The following PRKN variants were observed in gnomAD, a reference collection of about 807,000 sequenced individuals.
The protein encoded by PRKN is parkin RBR E3 ubiquitin protein ligase.
Under a neutral mutation model 59.5 loss-of-function variants are expected in PRKN, and 56 were observed. That is an observed-to-expected ratio of 0.94 (90% confidence interval 0.76 to 1.18). The LOEUF (loss-of-function observed/expected upper bound fraction) is 1.18, where lower values mean the gene tolerates loss of function less well. Ranked by LOEUF, PRKN falls within the 50% of genes most tolerant of loss-of-function variation. PRKN has a pLI of 0.00. For synonymous variants in PRKN, 250 were observed against 222.1 expected, an observed-to-expected ratio of 1.13 and a Z score of -1.12; for missense variants, 657 against 596.4, an observed-to-expected ratio of 1.10 and a Z score of -1.06.
chr6:161,574,382 C>A (rs1781053718), intron 7 of PRKN, among the ~76,000 whole-genome samples: 1 of 152,120 alleles, frequency 6.6e-6, no homozygotes, highest in South Asian at 2.1e-4. Context: ...GCAATAGAGA[C>A]CATGTCCGAT....
intron 7 of PRKN, among the ~76,000 whole-genome samples, chr6:161,729,292 A>G (rs1234372312): frequency 1.3e-5 from 2 of 152,238 alleles, no homozygotes; most frequent in South Asian, 2.1e-4. Context: ...AGCTTTACAT[A>G]AAACCCAAGG....
chr6:162,468,104 C>G (rs902235273), intron 1 of PRKN, among the ~76,000 whole-genome samples: 3 of 152,182 alleles, frequency 2.0e-5, no homozygotes, highest in Admixed American at 6.5e-5. Context: ...TAAATGTAAG[C>G]CCCGACAGGA....
At chr6:162,580,440 GAAAA>G (rs56059992) in intron 1 of PRKN, among the ~76,000 whole-genome samples, 5 of 120,564 alleles carry the variant, frequency 4.1e-5, no homozygotes, top group South Asian at 2.5e-4. Flanking sequence ...CCCTGTCTCA[GAAAA>G]AAAAAAAAAA....
chr6:161,671,323 A>T (rs1784901550), intron 7 of PRKN, among the ~76,000 whole-genome samples: 1 of 152,160 alleles, frequency 6.6e-6, no homozygotes, highest in Non-Finnish European at 1.5e-5. Context: ...ACCTCATGTC[A>T]TGGTAACAGA....
intron 1 of PRKN, among the ~76,000 whole-genome samples, chr6:162,523,277 A>G (rs981122267): frequency 6.6e-6 from 1 of 152,204 alleles, no homozygotes; most frequent in Non-Finnish European, 1.5e-5. Flanking sequence ...AGATGAGTTC[A>G]TGGCTTGTTG....
intron 2 of PRKN, among the ~76,000 whole-genome samples, chr6:162,288,567 A>G (rs576640262): frequency 1.1e-4 from 16 of 152,258 alleles, no homozygotes; most frequent in African/African-American, 3.6e-4. Context: ...CGTTCCTGCT[A>G]GGCTTGAAGA....
At position 161,445,023 on chromosome 6, in the gene PRKN, A is replaced by T. The variant is rs1789420266; in HGVS notation, c.1084-58146T>A. Among the ~76,000 whole-genome samples, 1 of 141,806 alleles carries T rather than the reference A, an allele frequency of 7.1e-6. No individual in the cohort carries two copies. The highest frequency in any genetic ancestry group is 1.5e-5 in the Non-Finnish European group (1 of 67,934). The allele number at this position is 141,806 out of a possible 152,430, so 93.0% of individuals were successfully genotyped here. A position where few individuals can be genotyped will look rare whatever the true frequency, so the allele number is the denominator to read the frequency against. ...TTGTTTTTTTAATCTCTAGGTAACCAACCCCTGCCTACATTTTACTCTGGA... is the reference window on the plus strand; with the variant it reads ...TTGTTTTTTTAATCTCTAGGTAACCTACCCCTGCCTACATTTTACTCTGGA... On this transcript the variant is annotated intron_variant, in intron 9 of 11. Transcript: ENST00000366898. This position sits in a 1 kb window ranked among gnomAD's most constrained non-coding sequence, Gnocchi z 7.7.
At chr6:162,666,807 T>C (rs1779122086) in intron 1 of PRKN, among the ~76,000 whole-genome samples, 1 of 152,058 alleles carries the variant, frequency 6.6e-6, no homozygotes, top group South Asian at 2.1e-4. Flanking sequence ...CCTTGGTATC[T>C]ATAACCTGCA....
At chr6:162,072,089 T>C (rs992473393) in intron 4 of PRKN, among the ~76,000 whole-genome samples, 1 of 152,102 alleles carries the variant, frequency 6.6e-6, no homozygotes, top group African/African-American at 2.4e-5. Flanking sequence ...ATTGTGGGGA[T>C]GGAATACTGA....
At chr6:162,282,938 C>T (rs1780980990) in intron 2 of PRKN, among the ~76,000 whole-genome samples, 1 of 151,518 alleles carries the variant, frequency 6.6e-6, no homozygotes, top group Admixed American at 6.6e-5. Flanking sequence ...AAATTATTTG[C>T]AAGTAAAATA....
chr6:162,299,590 A>G (rs575048741), intron 2 of PRKN, among the ~76,000 whole-genome samples: 77 of 152,054 alleles, frequency 5.1e-4, no homozygotes, highest in African/African-American at 1.8e-3. Context: ...AATTATGCAA[A>G]TATATATAAA....
chr6:162,686,597 T>A (rs2803084), intron 1 of PRKN, among the ~76,000 whole-genome samples: 121,820 of 152,130 alleles, frequency 0.8, 48,991 homozygotes, highest in East Asian at 0.97. Flanking sequence ...AATAAACAAA[T>A]ATTGGCCATG....
rs1349924728 is a variant in PRKN, at chr6:161,385,782, C to T, written c.1167+1012G>A. 1.3e-5 allele frequency among the ~76,000 whole-genome samples: 2 copies of T among 152,112 alleles called. No individual in the cohort carries two copies. Among genetic ancestry groups the T allele is most frequent in the East Asian group, 3.9e-4 (2 of 5,188 alleles). Reference sequence around the variant, plus strand: ...CCTGGTAAGCTCGCGTTTGAATGTCCCTGAGCTAAAATAAAATTAACAGAA... The same window carrying T: ...CCTGGTAAGCTCGCGTTTGAATGTCTCTGAGCTAAAATAAAATTAACAGAA... On this transcript the variant is annotated intron_variant, in intron 10 of 11. Transcript: ENST00000366898. The surrounding 1 kb of genome is among the most constrained non-coding windows in gnomAD (Gnocchi z 4.9).
intron 10 of PRKN, among the ~76,000 whole-genome samples, chr6:161,374,399 T>C (rs924371571): frequency 8.7e-5 from 13 of 149,892 alleles, no homozygotes; most frequent in African/African-American, 3.2e-4. Flanking sequence ...GGATGTGGTG[T>C]GTATGTTTAT....
intron 2 of PRKN, among the ~76,000 whole-genome samples, chr6:162,421,696 C>T (rs995522429): frequency 3.3e-5 from 5 of 152,060 alleles, no homozygotes; most frequent in Admixed American, 1.3e-4. Context: ...CAACGCATTA[C>T]AGGAAAACAG....
chr6:162,484,609 G>A (rs939467922), intron 1 of PRKN, among the ~76,000 whole-genome samples: 2 of 152,200 alleles, frequency 1.3e-5, no homozygotes, highest in Non-Finnish European at 2.9e-5. Context: ...ATGTTTGTTA[G>A]CCTTCCGAAT....
At chr6:161,960,620 T>C (rs947602927) in intron 6 of PRKN, among the ~76,000 whole-genome samples, 1 of 152,194 alleles carries the variant, frequency 6.6e-6, no homozygotes, top group Non-Finnish European at 1.5e-5. Flanking sequence ...TTGAAAGAGA[T>C]GGGTTTTAAG....
At chr6:162,638,431 G>A (rs961915768) in intron 1 of PRKN, among the ~76,000 whole-genome samples, 13 of 152,068 alleles carry the variant, frequency 8.5e-5, no homozygotes, top group Non-Finnish European at 7.3e-5. Context: ...CTACAATTAC[G>A]AGACAAGAAC....
chr6:162,203,122 G>C (rs1784798420), intron 3 of PRKN, among the ~76,000 whole-genome samples: 3 of 152,144 alleles, frequency 2.0e-5, no homozygotes, highest in African/African-American at 7.2e-5. Context: ...AGGAAACTAA[G>C]TGACTCTTCT....
Sources: allele counts gnomAD v4.1 joint callset (sites outside exome capture counted in the v4.1 genomes callset), GRCh38; gene constraint gnomAD v4.1.1; non-coding constraint Gnocchi (gnomAD v3.1); transcripts MANE v1.5; gene names NCBI Gene and HGNC (gene_info 2026-07-23, HGNC 2026-07-21).